The following SNX11 variants were observed in gnomAD, a reference collection of about 807,000 sequenced individuals.
The protein encoded by SNX11 is sorting nexin 11.
SNX11 carries 19 observed loss-of-function variants against 30.7 expected under a neutral mutation model. That is an observed-to-expected ratio of 0.62 (90% confidence interval 0.43 to 0.91). The LOEUF (loss-of-function observed/expected upper bound fraction) is 0.91, where lower values mean the gene tolerates loss of function less well. SNX11 is among the 40% of genes least tolerant of loss of function. The pLI, the probability that SNX11 is intolerant of heterozygous loss-of-function variation, is 0.00. For missense variants in SNX11, 302 were observed against 326.7 expected (o/e 0.92, Z 0.58); for synonymous variants, 112 against 119.0 (o/e 0.94, Z 0.38).
intron 4 of SNX11, among the ~76,000 whole-genome samples, chr17:48,118,062 T>C (rs1027954422): frequency 2.6e-5 from 4 of 152,110 alleles, no homozygotes; most frequent in Admixed American, 2.6e-4. Flanking sequence ...ACAAAAATAA[T>C]GTATCAGCAT....
Position 48,112,636 on chromosome 17 carries a change from T to G in SNX11, c.105T>G (p.Tyr35Ter), listed in dbSNP as rs748096620. The change falls in exon 3 of 7, where the codon TAT (tyrosine) becomes TAG (stop). Residue 35 changes from tyrosine to a stop codon, truncating the protein, a stop_gained. Coordinates refer to ENST00000359238, the MANE Select transcript of SNX11 (RefSeq NM_013323.3). LOFTEE classifies it high-confidence loss of function. The part of the protein sequence containing the change: ...RVQNEGSWNS[Y>*]VDYKIFLHTN... Reference sequence around the variant, plus strand: ...AGAATGAGGGCTCCTGGAACTCTTATGTGGATTATAAGATATTCCTCCATG... The same window carrying G: ...AGAATGAGGGCTCCTGGAACTCTTAGGTGGATTATAAGATATTCCTCCATG... 6.8e-6 allele frequency: 11 copies of G among 1,613,222 alleles called. No homozygotes were observed. Among genetic ancestry groups the G allele is most frequent in the South Asian group, 3.3e-5 (3 of 91,072 alleles).
Position 48,118,764 on chromosome 17 carries a change from G to A in SNX11, c.291G>A (p.Glu97=). 6.2e-7 allele frequency: 1 copy of A among 1,614,088 alleles called. No homozygotes were observed. The highest frequency in any genetic ancestry group is 1.1e-5 in the South Asian group (1 of 91,086). The change falls in exon 5 of 7, where the codon GAG becomes GAA. Residue 97 remains glutamate, a synonymous_variant. Coordinates refer to ENST00000359238, the MANE Select transcript of SNX11 (RefSeq NM_013323.3). ...TCGGCACCTCAGATGAGTTCATTGA[G>A]AAGCGACGACAAGGTCTGCAGCACT... is the stretch of plus-strand genomic sequence containing the variant. The part of the protein sequence containing the change: ...TFFGTSDEFI[E]KRRQGLQHFL...
chr17:48,114,457 CTTTTTTTT>C (rs34029008), intron 4 of SNX11, among the ~76,000 whole-genome samples: 1 of 123,486 alleles, frequency 8.1e-6, no homozygotes, highest in Non-Finnish European at 1.7e-5. Flanking sequence ...CCCAGGCCTT[CTTTTTTTT>C]TTTTTTTTTT....
At chr17:48,113,427 G>C in intron 4 of SNX11, 26 bp downstream of exon 4, 1 of 1,575,122 alleles carries the variant, frequency 6.3e-7, no homozygotes, top group Non-Finnish European at 8.7e-7. Context: ...CTTCCTTCTT[G>C]GGTCTGTGAC....
intron 1 of SNX11, chr17:48,110,668 G>A (rs1469065491): frequency 1.3e-5 from 2 of 152,554 alleles, no homozygotes; most frequent in Non-Finnish European, 1.5e-5. Context: ...GGGAGGAGAG[G>A]GAGGGCTTAG....
chr17:48,123,093 C>T lies in SNX11; in HGVS notation c.*1585C>T, dbSNP rs1201665632. The T allele has an allele frequency of 1.3e-5, 2 of 152,220 alleles. No homozygotes were observed. Among genetic ancestry groups the T allele is most frequent in the African/African-American group, 4.8e-5 (2 of 41,438 alleles). 9.4% of individuals were successfully genotyped at this position (152,220 alleles called of 1,614,324 possible). A position where few individuals can be genotyped will look rare whatever the true frequency, so the allele number is the denominator to read the frequency against. On this transcript the variant is annotated 3_prime_UTR_variant, in exon 7 of 7. Coordinates refer to ENST00000359238, the MANE Select transcript of SNX11 (RefSeq NM_013323.3). Reference sequence around the variant, plus strand: ...ATGCAAAGCCCTGGCTGGTATTCATCCCTCTTTCCTGCCCGCCTCCCCTGG... The same window carrying T: ...ATGCAAAGCCCTGGCTGGTATTCATTCCTCTTTCCTGCCCGCCTCCCCTGG...
chr17:48,119,561 C>T (rs2063578275), intron 6 of SNX11, among the ~76,000 whole-genome samples: 1 of 152,052 alleles, frequency 6.6e-6, no homozygotes, highest in Non-Finnish European at 1.5e-5. Flanking sequence ...AAGCGATTCT[C>T]CTGCCTCAGC....
chr17:48,112,446 G>A, intron 2 of SNX11, 128 bp from the exon 3 acceptor site: 3 of 701,082 alleles, frequency 4.3e-6, no homozygotes, highest in Non-Finnish European at 5.1e-6. Context: ...AATGAAAGTT[G>A]AATTGAATAA....
At chr17:48,121,126 C>T (rs1157251909) in intron 6 of SNX11, 109 bp from the exon 7 acceptor site, 6 of 1,216,228 alleles carry the variant, frequency 4.9e-6, no homozygotes, top group Non-Finnish European at 6.9e-6. Context: ...GTTGGGATTA[C>T]AGGCACATGC....
At chr17:48,119,336 T>G in intron 6 of SNX11, 150 bp downstream of exon 6, 1 of 657,940 alleles carries the variant, frequency 1.5e-6, no homozygotes, top group South Asian at 1.9e-5. Flanking sequence ...TCTATCCAGG[T>G]GGGTCTGTGT....
chr17:48,109,567 G>T, intron 1 of SNX11, among the ~76,000 whole-genome samples: 1 of 144,918 alleles, frequency 6.9e-6, no homozygotes, highest in Non-Finnish European at 1.5e-5. Flanking sequence ...CCATCTGGAG[G>T]TTTTTTGTTT....
At chr17:48,119,254 T>C (rs2144530474) in intron 6 of SNX11, 68 bp downstream of exon 6, 1 of 1,216,616 alleles carries the variant, frequency 8.2e-7, no homozygotes, top group African/African-American at 1.5e-5. Flanking sequence ...GAGGTGTCCA[T>C]TTGTTAGGGA....
chr17:48,108,060 C>T (rs890415307), intron 1 of SNX11: 1 of 152,184 alleles, frequency 6.6e-6, no homozygotes, highest in Non-Finnish European at 1.5e-5. Flanking sequence ...TTCCTACCCC[C>T]CAAGCTTAAT....
chr17:48,111,015 G>A (rs1207293284), intron 1 of SNX11: 1 of 872,152 alleles, frequency 1.1e-6, no homozygotes, highest in Non-Finnish European at 1.4e-6. Flanking sequence ...GAAAATCAGG[G>A]GCTGAGGCTT....
intron 4 of SNX11, among the ~76,000 whole-genome samples, chr17:48,117,545 C>T (rs1011111623): frequency 1.2e-4 from 18 of 151,214 alleles, no homozygotes; most frequent in African/African-American, 4.4e-4. Flanking sequence ...GCGTGAGCCA[C>T]CGCGCCTGGC....
At position 48,118,673 on chromosome 17, in the gene SNX11, A is replaced by T. The variant is rs753601599; in HGVS notation, c.231-31A>T. On this transcript the variant is annotated intron_variant, in intron 4 of 6. Transcript: ENST00000359238. ...AATGACTATCTTAGATGTTACACTT[A>T]TCATGGGTGTTATATCATGTGGCTG... 6 of 1,510,280 alleles carry T rather than the reference A, an allele frequency of 4.0e-6. No homozygotes were observed. In the Admixed American group the frequency reaches 1.0e-4, roughly 26 times the overall value. 93.6% of individuals were successfully genotyped at this position (1,510,280 alleles called of 1,614,324 possible).
chr17:48,122,905 A>T lies in SNX11; in HGVS notation c.*1397A>T, dbSNP rs1374713108. On this transcript the variant is annotated 3_prime_UTR_variant, in exon 7 of 7. Transcript: ENST00000359238. ...TGCATTGTGTGTGCAGCTCAAGTTC[A>T]CCACTGGAGGAAGGATTGTCTTCCA... 2.0e-5 allele frequency: 3 copies of T among 152,194 alleles called. No homozygotes were observed. The highest frequency in any genetic ancestry group is 7.2e-5 in the African/African-American group (3 of 41,444). 9.4% of individuals were successfully genotyped at this position (152,194 alleles called of 1,614,324 possible). A position where few individuals can be genotyped will look rare whatever the true frequency, so the allele number is the denominator to read the frequency against.
chr17:48,119,505 G>A (rs2063577645), intron 6 of SNX11, among the ~76,000 whole-genome samples: 1 of 152,174 alleles, frequency 6.6e-6, no homozygotes, highest in Non-Finnish European at 1.5e-5. Flanking sequence ...AGGCTGGAGT[G>A]CAGTGGCGTG....
intron 4 of SNX11, chr17:48,113,695 G>T: frequency 3.1e-6 from 1 of 326,538 alleles, no homozygotes; most frequent in Non-Finnish European, 5.9e-6. Flanking sequence ...ACAGGTGCAT[G>T]CCACCACACT....
Sources: allele counts gnomAD v4.1 joint callset (sites outside exome capture counted in the v4.1 genomes callset), GRCh38; gene constraint gnomAD v4.1.1; transcripts MANE v1.5; gene names NCBI Gene and HGNC (gene_info 2026-07-23, HGNC 2026-07-21).